Variants in SGMS1 observed in about 807,000 individuals in gnomAD.
SGMS1 encodes the protein sphingomyelin synthase 1.
In SGMS1, 13 loss-of-function variants were observed where a neutral mutation model predicts 46.2. That is an observed-to-expected ratio of 0.28 (90% confidence interval 0.18 to 0.45). The LOEUF is 0.45. SGMS1 is among the 20% of genes least tolerant of loss of function. SGMS1 has a pLI of 1.00. For synonymous variants in SGMS1, 203 were observed against 187.8 expected, an observed-to-expected ratio of 1.08 and a Z score of -0.66; for missense variants, 324 against 519.9, an observed-to-expected ratio of 0.62 and a Z score of 3.66.
intron 2 of SGMS1, among the ~76,000 whole-genome samples, chr10:50,586,560 C>T (rs1838486278): frequency 1.3e-5 from 2 of 152,222 alleles, no homozygotes; most frequent in Admixed American, 1.3e-4. Context: ...TGTTGTTTGA[C>T]ATGTTCTGCA....
chr10:50,366,258 G>C (rs971908804), intron 6 of SGMS1, among the ~76,000 whole-genome samples: 14 of 152,110 alleles, frequency 9.2e-5, no homozygotes, highest in Admixed American at 2.0e-4. Flanking sequence ...TCAAAAAGTG[G>C]GCAAAGCAGT....
intron 7 of SGMS1, 58 bp from the exon 8 acceptor site, chr10:50,327,380 A>T: frequency 3.0e-6 from 3 of 1,013,282 alleles, no homozygotes; most frequent in Non-Finnish European, 4.6e-6. Context: ...AGGTTCATTT[A>T]CTGTAATTTT....
chr10:50,465,695 T>TG (rs950615721), intron 4 of SGMS1, among the ~76,000 whole-genome samples: 1 of 151,404 alleles, frequency 6.6e-6, no homozygotes, highest in Non-Finnish European at 1.5e-5. Context: ...AAAGAGAGAA[T>TG]GGGGGGGAAA....
intron 6 of SGMS1, among the ~76,000 whole-genome samples, chr10:50,376,676 T>C (rs564563137): frequency 1.8e-4 from 27 of 152,256 alleles, no homozygotes; most frequent in Non-Finnish European, 3.1e-4. Flanking sequence ...AGTGAGAACA[T>C]GCGGTGTTTG....
At chr10:50,445,784 G>A (rs1019268380) in intron 5 of SGMS1, among the ~76,000 whole-genome samples, 1 of 152,168 alleles carries the variant, frequency 6.6e-6, no homozygotes, top group African/African-American at 2.4e-5. Flanking sequence ...AGGGAACAAG[G>A]GAGATAACCT....
intron 6 of SGMS1, among the ~76,000 whole-genome samples, chr10:50,400,418 T>G (rs1429446243): frequency 3.1e-5 from 1 of 31,792 alleles, no homozygotes; most frequent in African/African-American, 1.1e-4. Context: ...TATATATATA[T>G]ATATATATAT....
chr10:50,387,200 G>A (rs1848695574), intron 6 of SGMS1, among the ~76,000 whole-genome samples: 1 of 152,154 alleles, frequency 6.6e-6, no homozygotes, highest in African/African-American at 2.4e-5. Flanking sequence ...GGAGACAAAT[G>A]CTGCCTAAAG....
At chr10:50,383,902 G>A (rs953565423) in intron 6 of SGMS1, among the ~76,000 whole-genome samples, 12 of 152,186 alleles carry the variant, frequency 7.9e-5, no homozygotes, top group Admixed American at 5.2e-4. Context: ...AGCAGTTAAT[G>A]TGGTGCTATA....
At chr10:50,447,837 T>C (rs1433123065) in intron 5 of SGMS1, among the ~76,000 whole-genome samples, 1 of 152,176 alleles carries the variant, frequency 6.6e-6, no homozygotes, top group East Asian at 1.9e-4. Flanking sequence ...TGAAGTACAA[T>C]AGATCTCTTG....
chr10:50,338,552 C>G (rs199819035), intron 7 of SGMS1, among the ~76,000 whole-genome samples: 1 of 148,742 alleles, frequency 6.7e-6, no homozygotes, highest in Non-Finnish European at 1.5e-5. Context: ...CAGAGACCCC[C>G]AAAAACCTCC....
chr10:50,518,713 C>T (rs1837831226), intron 3 of SGMS1, among the ~76,000 whole-genome samples: 1 of 152,144 alleles, frequency 6.6e-6, no homozygotes, highest in Non-Finnish European at 1.5e-5. Flanking sequence ...GCCATCGCAC[C>T]CCGCCACAAT....
rs370613037 is a variant in SGMS1 at position 50,314,334 on chromosome 10, G to A, written c.742-2919C>T. Reference sequence around the variant, plus strand: ...AAGCAGTGGCTGTCTCCAAAGTAGTGCAGGGGAAGAGCAGGCCACGAAACA... The same window carrying A: ...AAGCAGTGGCTGTCTCCAAAGTAGTACAGGGGAAGAGCAGGCCACGAAACA... On this transcript the variant is annotated intron_variant, in intron 8 of 10. Transcript: ENST00000361781. Among the ~76,000 whole-genome samples the A allele has an allele frequency of 2.0e-5, 3 of 152,216 alleles. No individual in the cohort carries two copies. The East Asian group carries it at 5.8e-4, about 29-fold the overall frequency.
intron 6 of SGMS1, among the ~76,000 whole-genome samples, chr10:50,390,587 G>A (rs1458494553): frequency 6.6e-6 from 1 of 152,126 alleles, no homozygotes; most frequent in Non-Finnish European, 1.5e-5. Flanking sequence ...GCAGTGAGCT[G>A]TGATCGTGCC....
Position 50,343,676 on chromosome 10 carries a change from C to T in SGMS1, c.439G>A (p.Val147Ile), listed in dbSNP as rs1009525699. The change falls in exon 7 of 11, where the codon GTT becomes ATT. Residue 147 changes from valine to isoleucine, a missense_variant. Transcript: ENST00000361781. The stretch of plus-strand genomic sequence containing the variant: ...ACCGAGATCATCACTGTGGTGAGAA[C>T]GAAACAGGAAAGTGCATAAAGAAAG... ...LAFLYALSCF[V>I]LTTVMISVVH... The T allele has an allele frequency of 3.7e-6, 6 of 1,614,134 alleles. No individual in the cohort carries two copies. The highest frequency in any genetic ancestry group is 3.3e-5 in the Admixed American group (2 of 60,028).
chr10:50,316,461 T>C (rs1345879322), intron 8 of SGMS1, among the ~76,000 whole-genome samples: 1 of 152,210 alleles, frequency 6.6e-6, no homozygotes, highest in Non-Finnish European at 1.5e-5. Context: ...AACTATATGC[T>C]GCCTTGTGCA....
intron 7 of SGMS1, chr10:50,335,707 C>T (rs977284015): frequency 2.0e-5 from 3 of 152,158 alleles, no homozygotes; most frequent in African/African-American, 7.2e-5. Context: ...TAGACAATCC[C>T]TGGGCATGCT....
At chr10:50,408,554 G>C (rs1849055006) in intron 6 of SGMS1, among the ~76,000 whole-genome samples, 2 of 151,862 alleles carry the variant, frequency 1.3e-5, no homozygotes, top group Non-Finnish European at 2.9e-5. Flanking sequence ...GTGGTGGCAC[G>C]CACCTGTAGT....
chr10:50,593,027 T>A (rs550256100), intron 1 of SGMS1, among the ~76,000 whole-genome samples: 6 of 151,478 alleles, frequency 4.0e-5, no homozygotes, highest in Admixed American at 3.9e-4. Context: ...AATGCTGGCG[T>A]GAGACTGCAA....
rs542372857 is a variant in SGMS1 at position 50,522,919 on chromosome 10, A to G, written c.-588-2998T>C. ...CCCCTCAAGTAGCTCCCTCCTCTCC[A>G]GTACCCTGCCATACAAATCTCAGCC... On this transcript the variant is annotated intron_variant, in intron 2 of 10. Coordinates refer to ENST00000361781, the MANE Select transcript of SGMS1 (RefSeq NM_147156.4). 5.1e-4 allele frequency among the ~76,000 whole-genome samples: 77 copies of G among 152,212 alleles called. No individual in the cohort carries two copies. The Middle Eastern group carries it at 0.01, about 20-fold the overall frequency.
Sources: allele counts gnomAD v4.1 joint callset (sites outside exome capture counted in the v4.1 genomes callset), GRCh38; gene constraint gnomAD v4.1.1; transcripts MANE v1.5; gene names NCBI Gene and HGNC (gene_info 2026-07-23, HGNC 2026-07-21).